Variants in CEP290 observed in about 807,000 individuals in gnomAD.
CEP290 encodes the protein centrosomal protein 290, also known as centrosomal protein of 290 kDa.
A neutral mutation model predicts 344.9 loss-of-function variants in CEP290; 317 were observed. That is an observed-to-expected ratio of 0.92 (90% CI 0.84 to 1.01). The LOEUF (loss-of-function observed/expected upper bound fraction) is 1.01. CEP290 is among the 50% of genes least tolerant of loss of function. The pLI, the probability that CEP290 is intolerant of heterozygous loss-of-function variation, is 0.00. For synonymous variants in CEP290, 932 were observed against 895.8 expected (o/e 1.04, Z -0.72); for missense variants, 2,754 against 2,761.4 (o/e 1.00, Z 0.06).
intron 20 of CEP290, 67 bp downstream of exon 20, chr12:88,114,353 C>T (rs2038908502): frequency 8.0e-7 from 1 of 1,254,312 alleles, no homozygotes; most frequent in African/African-American, 1.5e-5. Flanking sequence ...CTATGGAGAT[C>T]TGTACACAGC....
chr12:88,133,852 G>C (rs1319744765), intron 6 of CEP290, among the ~76,000 whole-genome samples: 1 of 152,152 alleles, frequency 6.6e-6, no homozygotes, highest in African/African-American at 2.4e-5. Context: ...ATTTTTACAA[G>C]AAGAGAAGCC....
Position 88,118,285 on chromosome 12 carries a change from TTTTG to T in CEP290, c.1711+194_1711+197del, listed in dbSNP as rs1468569737. On this transcript the variant is annotated intron_variant, in intron 17 of 53. Transcript: ENST00000552810. ...GCTTGGTTTTTGTTATTTTGTTTTG[TTTTG>T]TTTTTGTCTATTTCAGATTCAGGAC... 2.0e-5 allele frequency among the ~76,000 whole-genome samples: 3 copies of T among 152,162 alleles called. No individual in the cohort carries two copies. In the East Asian group the frequency reaches 5.8e-4, roughly 29 times the overall value.
chr12:88,118,831 T>C, intron 15 of CEP290, 88 bp from the exon 16 acceptor site: 3 of 835,930 alleles, frequency 3.6e-6, no homozygotes, highest in Non-Finnish European at 5.5e-6. Context: ...CTGGTTATAA[T>C]TCACTTAGCC....
At chr12:88,066,137 A>ACT (rs1227610412) in intron 44 of CEP290, among the ~76,000 whole-genome samples, 1 of 152,184 alleles carries the variant, frequency 6.6e-6, no homozygotes, top group African/African-American at 2.4e-5. Flanking sequence ...TGTTTCCATG[A>ACT]CTTAGGTGAC....
intron 41 of CEP290, among the ~76,000 whole-genome samples, chr12:88,074,026 A>G (rs1565816537): frequency 6.6e-6 from 1 of 152,120 alleles, no homozygotes; most frequent in African/African-American, 2.4e-5. Flanking sequence ...GGAGTTTGAG[A>G]CTAGCCTGGC....
At chr12:88,061,019 T>C (rs1198498394) in intron 46 of CEP290, 25 bp from the exon 47 acceptor site, 3 of 1,494,592 alleles carry the variant, frequency 2.0e-6, no homozygotes, top group Non-Finnish European at 2.7e-6. Flanking sequence ...GTTAAATCTT[T>C]AATCAAATAT....
chr12:88,071,159 C>G (rs1376083730), intron 43 of CEP290, 135 bp downstream of exon 43: 2 of 720,002 alleles, frequency 2.8e-6, no homozygotes, highest in Admixed American at 5.9e-5. Context: ...ATATGAAGAA[C>G]CAGGAATATC....
chr12:88,099,333 G>A (rs563381234), intron 26 of CEP290, among the ~76,000 whole-genome samples: 1 of 152,186 alleles, frequency 6.6e-6, no homozygotes, highest in South Asian at 2.1e-4. Context: ...AGTTCATTGT[G>A]GACACGTTAA....
chr12:88,116,925 G>C (rs929469208), intron 18 of CEP290, 108 bp downstream of exon 18: 1 of 545,620 alleles, frequency 1.8e-6, no homozygotes, highest in South Asian at 2.1e-5. Flanking sequence ...AGTGAGCCGA[G>C]ATCGCGCCAC....
Position 88,139,426 on chromosome 12 carries a change from T to A in CEP290, c.250+69A>T, listed in dbSNP as rs2040515233. 5 of 985,736 alleles carry A rather than the reference T, an allele frequency of 5.1e-6. No individual in the cohort carries two copies. In the South Asian group the frequency reaches 1.1e-4, roughly 22 times the overall value. 61.1% of individuals were successfully genotyped at this position (985,736 alleles called of 1,614,324 possible). The stretch of plus-strand genomic sequence containing the variant: ...ATATTTTATAGAATATAATTTAATT[T>A]TCTACAGTTTAATGAACAAATGGAA... On this transcript the variant is annotated intron_variant, in intron 4 of 53. Transcript: ENST00000552810.
intron 5 of CEP290, 60 bp from the exon 6 acceptor site, chr12:88,136,846 T>A (rs2040380033): frequency 7.0e-7 from 1 of 1,426,028 alleles, no homozygotes; most frequent in African/African-American, 1.4e-5. Flanking sequence ...TTCAAATGAG[T>A]CAACAACAAG....
chr12:88,141,913 G>T lies in CEP290; in HGVS notation c.-41C>A, dbSNP rs759820573. The T allele has an allele frequency of 6.6e-6, 1 of 152,522 alleles. No individual in the cohort carries two copies. The highest frequency in any genetic ancestry group is 1.5e-5 in the Non-Finnish European group (1 of 68,336). The allele number at this position is 152,522 out of a possible 1,614,324, so 9.4% of individuals were successfully genotyped here. ...GGATCCACCCACCTAGACCAAGCCT[G>T]GCAACCAGCGGAGGCCTCTCACTAC... On this transcript the variant is annotated 5_prime_UTR_variant, in exon 1 of 54. Coordinates refer to ENST00000552810, the MANE Select transcript of CEP290 (RefSeq NM_025114.4).
chr12:88,128,752 T>C (rs2039883396), intron 11 of CEP290, among the ~76,000 whole-genome samples, 194 bp downstream of exon 11: 1 of 152,122 alleles, frequency 6.6e-6, no homozygotes, highest in South Asian at 2.1e-4. Context: ...AAGAGGTCAT[T>C]CAATAACAAA....
rs541051570 is a variant in CEP290 at position 88,090,054 on chromosome 12, A to C, written c.3574-567T>G. Among the ~76,000 whole-genome samples the C allele has an allele frequency of 3.3e-5, 5 of 152,234 alleles. No individual in the cohort carries two copies. The South Asian group carries it at 1.0e-3, about 32-fold the overall frequency. On this transcript the variant is annotated intron_variant, in intron 30 of 53. Transcript: ENST00000552810. ...CAGTTTTTTTTTAACCTCCATTGCA[A>C]GTAACATAATACTGATCAGGACAAT...
chr12:88,100,368 T>C (rs1255248456), intron 26 of CEP290, among the ~76,000 whole-genome samples: 4 of 152,246 alleles, frequency 2.6e-5, no homozygotes, highest in African/African-American at 7.2e-5. Context: ...GTTTTTCTTT[T>C]GCTTTATTAC....
At chr12:88,104,935 C>T (rs1185067311) in intron 25 of CEP290, among the ~76,000 whole-genome samples, 1 of 151,876 alleles carries the variant, frequency 6.6e-6, no homozygotes, top group Non-Finnish European at 1.5e-5. Flanking sequence ...ATTTACTTAC[C>T]CCATAATGTT....
chr12:88,068,706 T>A, intron 43 of CEP290, 61 bp from the exon 44 acceptor site: 1 of 1,498,104 alleles, frequency 6.7e-7, no homozygotes. Context: ...TGTTGTACTA[T>A]ATAAAAATAC....
intron 26 of CEP290, among the ~76,000 whole-genome samples, chr12:88,101,059 A>T (rs553585198): frequency 4.3e-4 from 65 of 152,136 alleles, no homozygotes; most frequent in Non-Finnish European, 8.4e-4. Context: ...CATGTTTAGA[A>T]TGATCATTCT....
intron 27 of CEP290, among the ~76,000 whole-genome samples, chr12:88,095,018 C>T (rs1189450968): frequency 6.6e-6 from 1 of 152,052 alleles, no homozygotes; most frequent in Non-Finnish European, 1.5e-5. Context: ...CTGTGGCAAG[C>T]AGTAATCAAG....
Sources: allele counts gnomAD v4.1 joint callset (sites outside exome capture counted in the v4.1 genomes callset), GRCh38; gene constraint gnomAD v4.1.1; transcripts MANE v1.5; gene names NCBI Gene and HGNC (gene_info 2026-07-23, HGNC 2026-07-21).